Variants in HOGA1 observed in about 807,000 individuals in gnomAD.
The protein encoded by HOGA1 is 4-hydroxy-2-oxoglutarate aldolase 1.
A neutral mutation model predicts 34.3 loss-of-function variants in HOGA1; 30 were observed. The ratio of observed to expected loss-of-function variants is 0.87; its 90% CI spans 0.65 to 1.19. The LOEUF is 1.19. Among genes scored for constraint, HOGA1 ranks in the 50% most tolerant of loss-of-function variants. The pLI, the probability that HOGA1 is intolerant of heterozygous loss-of-function variation, is 0.00. For missense variants in HOGA1, 417 were observed against 436.5 expected (o/e 0.96, Z 0.40); for synonymous variants, 161 against 174.0 (o/e 0.93, Z 0.59).
intron 6 of HOGA1, among the ~76,000 whole-genome samples, chr10:97,610,611 CCT>C (rs1353102872): frequency 6.6e-6 from 1 of 152,152 alleles, no homozygotes; most frequent in African/African-American, 2.4e-5. Context: ...ATGGCGAAGC[CCT>C]GTCTCTACTA....
chr10:97,611,093 C>A (rs1343758329), intron 6 of HOGA1, among the ~76,000 whole-genome samples: 2 of 152,168 alleles, frequency 1.3e-5, no homozygotes, highest in Non-Finnish European at 2.9e-5. Flanking sequence ...CTGAGACTCT[C>A]ACAGATCCTT....
intron 1 of HOGA1, among the ~76,000 whole-genome samples, chr10:97,596,353 G>A (rs2041071374): frequency 6.6e-6 from 1 of 152,240 alleles, no homozygotes; most frequent in African/African-American, 2.4e-5. Context: ...TGAAGGAAGA[G>A]GGTGATGGTG....
chr10:97,601,709 A>T (rs1366701220), intron 5 of HOGA1, 148 bp from the exon 6 acceptor site: 3 of 879,204 alleles, frequency 3.4e-6, no homozygotes, highest in Non-Finnish European at 5.6e-6. Context: ...TATACTCTGG[A>T]CTCACAGAGC....
At chr10:97,590,549 C>G (rs779880120) in intron 1 of HOGA1, 4 of 1,611,840 alleles carry the variant, frequency 2.5e-6, no homozygotes, top group East Asian at 4.5e-5. Context: ...GAGCCACAGC[C>G]TGCCTAATCG....
At chr10:97,602,675 CTCTTTCTT>C (rs112065979) in intron 6 of HOGA1, 2 of 777,894 alleles carry the variant, frequency 2.6e-6, no homozygotes, top group East Asian at 1.3e-4. Context: ...TTCTCTTTCT[CTCTTTCTT>C]TCTTTCCTTC....
At chr10:97,600,011 C>A in intron 4 of HOGA1, 56 bp from the exon 5 acceptor site, 2 of 1,537,618 alleles carry the variant, frequency 1.3e-6, no homozygotes, top group Non-Finnish European at 1.8e-6. Context: ...ACTTACCCGG[C>A]CCTCATCCAG....
Position 97,598,867 on chromosome 10 carries a change from A to G in HOGA1, c.304A>G (p.Lys102Glu), listed in dbSNP as rs751095937. 14 of 1,613,998 alleles carry G rather than the reference A, an allele frequency of 8.7e-6. No homozygotes were observed. Among genetic ancestry groups the G allele is most frequent in the Non-Finnish European group, 1.2e-5 (14 of 1,180,034 alleles). ...GAGCCGTGTGCGCCAGGCCATGCCC[A>G]AGAACAGGCTCCTGCTAGCTGGCTC... ...VVSRVRQAMP[K>E]NRLLLAGSGC... Residue 102 changes from lysine to glutamate, a missense_variant, in exon 2 of 7, where the codon AAG (lysine) becomes GAG (glutamate). Coordinates refer to ENST00000370646, the MANE Select transcript of HOGA1 (RefSeq NM_138413.4).
chr10:97,588,151 A>G (rs2040985524), intron 1 of HOGA1, among the ~76,000 whole-genome samples: 2 of 150,714 alleles, frequency 1.3e-5, no homozygotes, highest in Admixed American at 6.6e-5. Flanking sequence ...AGCATTGCTA[A>G]TTTGTACTGA....
intron 1 of HOGA1, among the ~76,000 whole-genome samples, chr10:97,586,977 G>C (rs1008195279): frequency 6.6e-6 from 1 of 152,158 alleles, no homozygotes. Context: ...CAGAGACCTT[G>C]GGGAAACCAC....
rs2041125251 is a variant in HOGA1 at position 97,602,286 on chromosome 10, T to C, written c.834+296T>C. The C allele has an allele frequency of 2.2e-6, 3 of 1,357,952 alleles. No individual in the cohort carries two copies. In the East Asian group the frequency reaches 1.1e-4, roughly 50 times the overall value. 84.1% of individuals were successfully genotyped at this position (1,357,952 alleles called of 1,614,324 possible). ...CATTGAAACAAACATCCTGTGTGAT[T>C]GTGACAGAGTAACCCTAGGACCACA... On this transcript the variant is annotated intron_variant, in intron 6 of 6. Transcript: ENST00000370646.
At chr10:97,592,791 G>T (rs2041037183) in intron 1 of HOGA1, among the ~76,000 whole-genome samples, 1 of 151,790 alleles carries the variant, frequency 6.6e-6, no homozygotes, top group African/African-American at 2.4e-5. Flanking sequence ...CACTTTGGGA[G>T]GCCGAGATGG....
intron 1 of HOGA1, among the ~76,000 whole-genome samples, chr10:97,592,333 C>T (rs1325757745): frequency 1.3e-5 from 2 of 151,018 alleles, no homozygotes; most frequent in East Asian, 2.0e-4. Flanking sequence ...CTTCACCTCC[C>T]GGGTTCATGC....
At position 97,611,371 on chromosome 10, in the gene HOGA1, T is replaced by C; in HGVS notation, c.835-139T>C. On this transcript the variant is annotated intron_variant, in intron 6 of 6. Transcript: ENST00000370646. Reference sequence around the variant, plus strand: ...CTAAATCTGGATTCCCAATGTACCCTGGGTGCCATAGAGTTGGCAGTTACT... The same window carrying C: ...CTAAATCTGGATTCCCAATGTACCCCGGGTGCCATAGAGTTGGCAGTTACT... 3.4e-6 allele frequency: 3 copies of C among 887,188 alleles called. No homozygotes were observed. The South Asian group carries it at 4.6e-5, about 14-fold the overall frequency. 55.0% of individuals were successfully genotyped at this position (887,188 alleles called of 1,614,324 possible).
chr10:97,585,012 G>A, intron 1 of HOGA1, 98 bp downstream of exon 1: 3 of 989,908 alleles, frequency 3.0e-6, no homozygotes, highest in South Asian at 1.4e-5. Context: ...GCTGTCCAGG[G>A]ATAGTCTGGT....
At chr10:97,595,493 C>T (rs1001148192) in intron 1 of HOGA1, among the ~76,000 whole-genome samples, 13 of 152,294 alleles carry the variant, frequency 8.5e-5, no homozygotes, top group Middle Eastern at 3.4e-3. Flanking sequence ...GCCAGGAGTT[C>T]GAGACCAGCC....
At chr10:97,598,150 G>C (rs1198847327) in intron 1 of HOGA1, among the ~76,000 whole-genome samples, 1 of 152,148 alleles carries the variant, frequency 6.6e-6, no homozygotes, top group Non-Finnish European at 1.5e-5. Flanking sequence ...TTTTTTGGTA[G>C]AGACAGGTAG....
chr10:97,609,209 CT>C (rs1283549227), intron 6 of HOGA1, among the ~76,000 whole-genome samples: 1 of 152,188 alleles, frequency 6.6e-6, no homozygotes, highest in Non-Finnish European at 1.5e-5. Context: ...CCCAGTGCAC[CT>C]CTGAAAACGA....
intron 1 of HOGA1, chr10:97,589,708 G>A: frequency 1.7e-6 from 1 of 600,084 alleles, no homozygotes; most frequent in Non-Finnish European, 3.0e-6. Flanking sequence ...GTGCAGCAGG[G>A]GGCCTGCCTG....
At chr10:97,587,082 C>T (rs1222455321) in intron 1 of HOGA1, among the ~76,000 whole-genome samples, 12 of 152,210 alleles carry the variant, frequency 7.9e-5, no homozygotes, top group African/African-American at 2.9e-4. Flanking sequence ...GGCACTGTCA[C>T]AGAAAACACA....
Sources: allele counts gnomAD v4.1 joint callset (sites outside exome capture counted in the v4.1 genomes callset), GRCh38; gene constraint gnomAD v4.1.1; transcripts MANE v1.5; gene names NCBI Gene and HGNC (gene_info 2026-07-23, HGNC 2026-07-21).